The following DPP10 variants were observed in gnomAD, a reference collection of about 807,000 sequenced individuals.
DPP10 encodes the protein inactive dipeptidyl peptidase 10.
DPP10 carries 33 observed loss-of-function variants against 120.9 expected under a neutral mutation model. The ratio of observed to expected loss-of-function variants is 0.27; its 90% CI spans 0.21 to 0.37. The LOEUF (loss-of-function observed/expected upper bound fraction) is 0.37. Ranked by LOEUF, DPP10 falls within the 10% of genes least tolerant of loss-of-function variation. The pLI, the probability that DPP10 is intolerant of heterozygous loss-of-function variation, is 1.00. For synonymous variants in DPP10, 337 were observed against 326.1 expected, an observed-to-expected ratio of 1.03 and a Z score of -0.36; for missense variants, 816 against 942.8, an observed-to-expected ratio of 0.87 and a Z score of 1.76.
chr2:115,110,317 T>TC (rs920669882), intron 1 of DPP10, among the ~76,000 whole-genome samples: 2 of 152,138 alleles, frequency 1.3e-5, no homozygotes, highest in African/African-American at 4.8e-5. Context: ...CAACTTAGTC[T>TC]CCGTGTTTTA....
chr2:114,634,512 C>A lies in DPP10; in HGVS notation c.60+191674C>A, dbSNP rs1042829197. Among the ~76,000 whole-genome samples the A allele has an allele frequency of 2.6e-5, 4 of 151,880 alleles. No homozygotes were observed. In the East Asian group the frequency reaches 7.7e-4, roughly 29 times the overall value. ...AGAGCAGTCTGGTTGCAGAAGTAAA[C>A]CCTTAGCTACTTTGCAAACGGCCTA... On this transcript the variant is annotated intron_variant, in intron 1 of 25. Coordinates refer to ENST00000410059, the MANE Select transcript of DPP10 (RefSeq NM_020868.6).
At chr2:114,984,178 C>T (rs541542755) in intron 1 of DPP10, among the ~76,000 whole-genome samples, 1 of 152,232 alleles carries the variant, frequency 6.6e-6, no homozygotes, top group Admixed American at 6.5e-5. Context: ...ATTATGCTGC[C>T]ACAAGTGATA....
chr2:114,563,912 A>G (rs936555781), intron 1 of DPP10, among the ~76,000 whole-genome samples: 6 of 152,080 alleles, frequency 3.9e-5, no homozygotes, highest in Non-Finnish European at 7.4e-5. Context: ...TGCCTCTTGC[A>G]TGTTGCATTC....
At chr2:114,917,823 C>T (rs1694916874) in intron 1 of DPP10, among the ~76,000 whole-genome samples, 1 of 152,062 alleles carries the variant, frequency 6.6e-6, no homozygotes, top group Non-Finnish European at 1.5e-5. Flanking sequence ...GGATTAAAGA[C>T]TTAAACATAA....
intron 1 of DPP10, among the ~76,000 whole-genome samples, chr2:115,057,293 G>A (rs1242757312): frequency 6.6e-6 from 1 of 152,162 alleles, no homozygotes; most frequent in Non-Finnish European, 1.5e-5. Flanking sequence ...AAATAGTAGA[G>A]TTTTGGCTGC....
intron 1 of DPP10, among the ~76,000 whole-genome samples, chr2:115,130,027 T>C (rs1268500866): frequency 6.6e-6 from 1 of 152,192 alleles, no homozygotes; most frequent in African/African-American, 2.4e-5. Flanking sequence ...CAAGTGCACC[T>C]GCTTAGGACT....
chr2:114,923,785 T>C (rs1353669287), intron 1 of DPP10, among the ~76,000 whole-genome samples: 1 of 152,188 alleles, frequency 6.6e-6, no homozygotes, highest in Non-Finnish European at 1.5e-5. Flanking sequence ...TTCTTGATGG[T>C]GTACTCAATA....
intron 7 of DPP10, among the ~76,000 whole-genome samples, chr2:115,721,270 C>A (rs1165011426): frequency 3.9e-5 from 6 of 152,072 alleles, no homozygotes; most frequent in African/African-American, 7.2e-5. Flanking sequence ...AATTATTTTC[C>A]CCAATATTTT....
chr2:115,272,341 GAA>G (rs1254814352), intron 1 of DPP10, among the ~76,000 whole-genome samples: 1 of 152,078 alleles, frequency 6.6e-6, no homozygotes, highest in African/African-American at 2.4e-5. Context: ...TAATTGCTTA[GAA>G]AAATATTATT....
chr2:114,491,369 A>C (rs753431587), intron 1 of DPP10, among the ~76,000 whole-genome samples: 6 of 152,180 alleles, frequency 3.9e-5, no homozygotes, highest in African/African-American at 9.6e-5. Flanking sequence ...TAATTTATGA[A>C]TATCTCATCT....
chr2:115,733,693 T>C (rs747448866), intron 8 of DPP10, among the ~76,000 whole-genome samples: 1 of 152,138 alleles, frequency 6.6e-6, no homozygotes, highest in Non-Finnish European at 1.5e-5. Flanking sequence ...AAAAATCAGC[T>C]TGCTTTTTAC....
At chr2:115,026,195 G>A (rs963255493) in intron 1 of DPP10, among the ~76,000 whole-genome samples, 2 of 151,976 alleles carry the variant, frequency 1.3e-5, no homozygotes, top group African/African-American at 4.8e-5. Context: ...AATACATTTT[G>A]ATTTTTTATG....
chr2:115,827,412 G>GTATATATATATATATATATATATA (rs1164585822), intron 21 of DPP10, among the ~76,000 whole-genome samples: 1 of 81,936 alleles, frequency 1.2e-5, no homozygotes, highest in South Asian at 4.3e-4. Context: ...GTATGTGTGT[G>GTATATATATATATATATATATATA]TGTATATATA....
At chr2:115,794,255 G>T (rs1011955090) in intron 19 of DPP10, among the ~76,000 whole-genome samples, 3 of 152,102 alleles carry the variant, frequency 2.0e-5, no homozygotes, top group African/African-American at 7.2e-5. Flanking sequence ...GTAGTGATGG[G>T]TTTACATCCA....
intron 2 of DPP10, among the ~76,000 whole-genome samples, chr2:115,338,388 A>G (rs755760065): frequency 6.6e-6 from 1 of 152,152 alleles, no homozygotes; most frequent in African/African-American, 2.4e-5. Flanking sequence ...TGATTATTTC[A>G]TAATGGAAAA....
At chr2:114,652,316 A>T (rs1696651322) in intron 1 of DPP10, among the ~76,000 whole-genome samples, 1 of 152,218 alleles carries the variant, frequency 6.6e-6, no homozygotes, top group Non-Finnish European at 1.5e-5. Flanking sequence ...ACAGGCAAAA[A>T]GGTAAATGCA....
At chr2:115,473,726 G>A (rs1375146) in intron 3 of DPP10, among the ~76,000 whole-genome samples, 125,903 of 152,106 alleles carry the variant, frequency 0.83, 55,168 homozygotes, top group Non-Finnish European at 0.97. Context: ...TAGAGTTTTA[G>A]GATTTTATCA....
At chr2:115,614,498 T>G (rs2149260912) in intron 5 of DPP10, among the ~76,000 whole-genome samples, 1 of 152,318 alleles carries the variant, frequency 6.6e-6, no homozygotes, top group African/African-American at 2.4e-5. Context: ...CCATCTCAGC[T>G]CACTGCAACT....
At chr2:115,379,246 T>G (rs1337770469) in intron 3 of DPP10, among the ~76,000 whole-genome samples, 1 of 152,222 alleles carries the variant, frequency 6.6e-6, no homozygotes, top group Non-Finnish European at 1.5e-5. Context: ...TATTGGTCTA[T>G]TCAGAGATTC....
Sources: gnomAD v4.1 joint callset for allele counts (sites outside exome capture counted in the v4.1 genomes callset) on GRCh38, gnomAD v4.1.1 for gene constraint, MANE v1.5 for transcripts, NCBI Gene and HGNC (gene_info 2026-07-23, HGNC 2026-07-21) for gene names.